Variants in BAIAP2 observed in about 807,000 individuals in gnomAD.
BAIAP2 encodes the protein BAR/IMD domain-containing adapter protein 2.
A neutral mutation model predicts 63.0 loss-of-function variants in BAIAP2; 18 were observed. The ratio of observed to expected loss-of-function variants is 0.29; its 90% CI spans 0.20 to 0.42. The LOEUF (loss-of-function observed/expected upper bound fraction) is 0.42. BAIAP2 is among the 10% of genes least tolerant of loss of function. The pLI, the probability that BAIAP2 is intolerant of heterozygous loss-of-function variation, is 1.00. For missense variants in BAIAP2, 610 were observed against 734.3 expected (o/e 0.83, Z 1.96); for synonymous variants, 386 against 307.6 (o/e 1.25, Z -2.67).
chr17:81,085,846 G>GC, intron 5 of BAIAP2, 121 bp downstream of exon 5: 1 of 743,896 alleles, frequency 1.3e-6, no homozygotes, highest in Non-Finnish European at 2.2e-6. Flanking sequence ...GTCCACATGG[G>GC]CCCCAGCTCT....
intron 3 of BAIAP2, among the ~76,000 whole-genome samples, chr17:81,058,842 C>T (rs1217838829): frequency 1.3e-5 from 2 of 150,604 alleles, no homozygotes; most frequent in African/African-American, 4.9e-5. Flanking sequence ...GCCCTGTTCC[C>T]TTCTTTCTAC....
At chr17:81,098,053 G>C in intron 6 of BAIAP2, 5 of 1,221,720 alleles carry the variant, frequency 4.1e-6, no homozygotes, top group Non-Finnish European at 5.2e-6. Context: ...CGCTACCCCA[G>C]ACCTCAGGCA....
rs559655173 is a variant in BAIAP2 at position 81,071,848 on chromosome 17, G to A, written c.218-12984G>A. 2.0e-5 allele frequency among the ~76,000 whole-genome samples: 3 copies of A among 152,366 alleles called. No homozygotes were observed. In the South Asian group the frequency reaches 6.2e-4, roughly 32 times the overall value. On this transcript the variant is annotated intron_variant, in intron 3 of 13. Coordinates refer to ENST00000428708, the MANE Select transcript of BAIAP2 (RefSeq NM_001144888.2). ...TTGGAGCAGTTCCCACGCCAAGTAGGGCCTTGTGGGTGGCCGGTCCCCTCC... is the reference window on the plus strand; with the variant it reads ...TTGGAGCAGTTCCCACGCCAAGTAGAGCCTTGTGGGTGGCCGGTCCCCTCC...
Position 81,104,591 on chromosome 17 carries a change from A to G in BAIAP2, c.1144A>G (p.Ile382Val). Residue 382 changes from isoleucine (I) to valine (V), a missense_variant, in exon 10 of 14, where the codon ATC becomes GTC. This residue lies in a region of BAIAP2 where 67 missense variants were observed against 132.0 expected (regional missense o/e 0.51). Coordinates refer to ENST00000428708, the MANE Select transcript of BAIAP2 (RefSeq NM_001144888.2). ...CAATGGCCGTATGCGGGTGAAGGCC[A>G]TCTTCTCCCACGCTGCTGGGGACAA... ...ERNGRMRVKA[I>V]FSHAAGDNST... 6.2e-7 allele frequency: 1 copy of G among 1,612,310 alleles called. No individual in the cohort carries two copies. Among genetic ancestry groups the G allele is most frequent in the East Asian group, 2.2e-5 (1 of 44,880 alleles).
At position 81,059,287 on chromosome 17, in the gene BAIAP2, G is replaced by A. The variant is rs891409907; in HGVS notation, c.217+1320G>A. On this transcript the variant is annotated intron_variant, in intron 3 of 13. Coordinates refer to ENST00000428708, the MANE Select transcript of BAIAP2 (RefSeq NM_001144888.2). The stretch of plus-strand genomic sequence containing the variant: ...CTCTGGGCGGGGTCCCCGGGCCTCC[G>A]CAGACTCAGCCTGGAGGATGACGTG... Among the ~76,000 whole-genome samples, 50 of 152,198 alleles carry A rather than the reference G, an allele frequency of 3.3e-4. 1 individual carries two copies. The highest frequency in any genetic ancestry group is 1.3e-3 in the Admixed American group (20 of 15,288).
intron 3 of BAIAP2, among the ~76,000 whole-genome samples, chr17:81,072,612 G>A (rs1329226825): frequency 1.3e-5 from 2 of 152,212 alleles, no homozygotes; most frequent in Admixed American, 1.3e-4. Context: ...GGAGAGCTCT[G>A]GCAGGTGCTG....
chr17:81,107,298 A>G (rs1292513247), intron 12 of BAIAP2: 1 of 195,022 alleles, frequency 5.1e-6, no homozygotes, highest in African/African-American at 2.3e-5. Flanking sequence ...CGTGAGAACC[A>G]CGGGGCTCCC....
intron 3 of BAIAP2, among the ~76,000 whole-genome samples, chr17:81,075,405 C>T (rs1346285304): frequency 2.6e-5 from 4 of 152,342 alleles, no homozygotes; most frequent in African/African-American, 7.2e-5. Flanking sequence ...ATCTTTGAAT[C>T]GTGTGAAGCG....
chr17:81,084,706 A>T, intron 3 of BAIAP2, 126 bp from the exon 4 acceptor site: 1 of 862,172 alleles, frequency 1.2e-6, no homozygotes, highest in Non-Finnish European at 1.9e-6. Context: ...TGGCCCTGAC[A>T]CCCCGGGGGC....
intron 13 of BAIAP2, chr17:81,109,205 A>T: frequency 1.4e-6 from 2 of 1,396,350 alleles, no homozygotes; most frequent in South Asian, 3.2e-5. Flanking sequence ...CCCTGTGTTT[A>T]CGCGCCCCAT....
intron 13 of BAIAP2, chr17:81,110,464 T>C (rs2059787322): frequency 1.0e-6 from 1 of 1,003,162 alleles, no homozygotes; most frequent in Non-Finnish European, 1.2e-6. Context: ...AAATCTGAAT[T>C]GTGCCCTGTA....
chr17:81,093,927 A>C (rs1343065947), intron 6 of BAIAP2, among the ~76,000 whole-genome samples: 1 of 151,956 alleles, frequency 6.6e-6, no homozygotes, highest in Non-Finnish European at 1.5e-5. Context: ...GTCTGTGGAC[A>C]ACCCCTCCCC....
At chr17:81,082,178 G>A (rs1245367087) in intron 3 of BAIAP2, among the ~76,000 whole-genome samples, 1 of 152,166 alleles carries the variant, frequency 6.6e-6, no homozygotes, top group African/African-American at 2.4e-5. Context: ...GGCTGTGAGA[G>A]TGGAGGGAGA....
At chr17:81,092,832 T>TG (rs1242345845) in intron 6 of BAIAP2, among the ~76,000 whole-genome samples, 1 of 152,142 alleles carries the variant, frequency 6.6e-6, no homozygotes, top group Admixed American at 6.5e-5. Context: ...ACGGTGGACA[T>TG]GCTGGGGCAG....
rs911021510 is a variant in BAIAP2, at chr17:81,116,730, C to T, written c.*891C>T. The T allele has an allele frequency of 9.1e-6, 2 of 219,652 alleles. No homozygotes were observed. Among genetic ancestry groups the T allele is most frequent in the African/African-American group, 4.5e-5 (2 of 44,490 alleles). 13.6% of individuals were successfully genotyped at this position (219,652 alleles called of 1,614,324 possible). On this transcript the variant is annotated 3_prime_UTR_variant, in exon 14 of 14. Transcript: ENST00000428708. The stretch of plus-strand genomic sequence containing the variant: ...AAAACTTCATTAGCAGATTTGTGCT[C>T]TTCCATACTGTTTGTTTGTTTGTTA...
At position 81,107,249 on chromosome 17, in the gene BAIAP2, C is replaced by T. The variant is rs534973486; in HGVS notation, c.1500+342C>T. 9 of 267,200 alleles carry T rather than the reference C, an allele frequency of 3.4e-5. 1 individual carries two copies. The highest frequency in any genetic ancestry group is 2.1e-4 in the East Asian group (3 of 14,218). The allele number at this position is 267,200 out of a possible 1,614,324, so 16.6% of individuals were successfully genotyped here. A position where few individuals can be genotyped will look rare whatever the true frequency, so the allele number is the denominator to read the frequency against. ...CTGGCCTAGAGGTGGGCCTGGACGC[C>T]GCCGCCTTTTGGGAGAGCCAGGGGG... On this transcript the variant is annotated intron_variant, in intron 12 of 13. Coordinates refer to ENST00000428708, the MANE Select transcript of BAIAP2 (RefSeq NM_001144888.2).
At chr17:81,036,424 T>C (rs938049131) in intron 1 of BAIAP2, among the ~76,000 whole-genome samples, 8 of 152,232 alleles carry the variant, frequency 5.3e-5, no homozygotes, top group Non-Finnish European at 7.3e-5. Flanking sequence ...TTTCTGATTG[T>C]GGTAGGCGGC....
chr17:81,106,569 A>G (rs777057246), intron 11 of BAIAP2, among the ~76,000 whole-genome samples, 176 bp from the exon 12 acceptor site: 36 of 152,156 alleles, frequency 2.4e-4, no homozygotes, highest in Non-Finnish European at 5.0e-4. Flanking sequence ...CAGGAGGAGG[A>G]AGGGAGGCCA....
intron 13 of BAIAP2, chr17:81,110,345 AG>A (rs1343963821): frequency 1.0e-5 from 10 of 986,446 alleles, no homozygotes; most frequent in Non-Finnish European, 1.1e-5. Flanking sequence ...TTTCAAATCC[AG>A]GGGATTCCAT....
Sources: allele counts gnomAD v4.1 joint callset (sites outside exome capture counted in the v4.1 genomes callset), GRCh38; gene constraint gnomAD v4.1.1; regional missense constraint gnomAD v4.1.1; transcripts MANE v1.5; gene names NCBI Gene and HGNC (gene_info 2026-07-23, HGNC 2026-07-21).